Variants in STXBP4 observed in about 807,000 individuals in gnomAD.
STXBP4 encodes the protein syntaxin-binding protein 4.
A neutral mutation model predicts 76.1 loss-of-function variants in STXBP4; 55 were observed. The ratio of observed to expected loss-of-function variants is 0.72; its 90% confidence interval spans 0.58 to 0.91. The LOEUF (loss-of-function observed/expected upper bound fraction) is 0.91. STXBP4 is among the 40% of genes least tolerant of loss of function. STXBP4 has a pLI of 0.00. For missense variants in STXBP4, 618 were observed against 636.9 expected (o/e 0.97, Z 0.32); for synonymous variants, 201 against 220.2 (o/e 0.91, Z 0.77).
chr17:55,011,736 G>A (rs2078117975), intron 8 of STXBP4, among the ~76,000 whole-genome samples: 1 of 152,080 alleles, frequency 6.6e-6, no homozygotes, highest in Admixed American at 6.5e-5. Flanking sequence ...CGTCGGGTGT[G>A]AGATAAGTTG....
chr17:55,185,846 C>T, the STXBP4 span, among the ~76,000 whole-genome samples: 12,301 of 152,010 alleles, frequency 0.081, 1,050 homozygotes, highest in African/African-American at 0.21. Flanking sequence ...TGGAGAAAGA[C>T]GAAAAGGGTG....
chr17:55,171,593 T>G lies in STXBP4; in HGVS notation c.*11682T>G, dbSNP rs2080406675. On this transcript the variant is annotated 3_prime_UTR_variant, in exon 18 of 18. Coordinates refer to ENST00000376352, the MANE Select transcript of STXBP4 (RefSeq NM_178509.6). ...TTTGACCATACCCCATCATGGTATTTTAGAGTACACCTGAATAAGATACAT... is the reference window on the plus strand; with the variant it reads ...TTTGACCATACCCCATCATGGTATTGTAGAGTACACCTGAATAAGATACAT... 1 of 152,214 alleles carries G rather than the reference T, an allele frequency of 6.6e-6. No individual in the cohort carries two copies. Among genetic ancestry groups the G allele is most frequent in the Non-Finnish European group, 1.5e-5 (1 of 68,038 alleles). 9.4% of individuals were successfully genotyped at this position (152,214 alleles called of 1,614,324 possible).
chr17:55,140,213 A>G (rs1051287563), intron 16 of STXBP4, among the ~76,000 whole-genome samples: 2 of 151,994 alleles, frequency 1.3e-5, no homozygotes, highest in African/African-American at 4.8e-5. Context: ...GAGGCTGAGG[A>G]GGGAGAATCA....
rs189238944 is a variant in STXBP4 at position 55,054,990 on chromosome 17, T to C, written c.1011+7836T>C. On this transcript the variant is annotated intron_variant, in intron 12 of 17. Coordinates refer to ENST00000376352, the MANE Select transcript of STXBP4 (RefSeq NM_178509.6). The stretch of plus-strand genomic sequence containing the variant: ...TTGTGGTCAAAATAAACCTTTTCTA[T>C]GCTAACTTTAAGTTATTTGTTAATA... Among the ~76,000 whole-genome samples, 11 of 152,294 alleles carry C rather than the reference T, an allele frequency of 7.2e-5. No individual in the cohort carries two copies. The East Asian group carries it at 2.1e-3, about 29-fold the overall frequency.
intron 4 of STXBP4, among the ~76,000 whole-genome samples, chr17:54,994,762 C>T (rs781447933): frequency 3.3e-5 from 5 of 151,984 alleles, no homozygotes; most frequent in Non-Finnish European, 5.9e-5. Context: ...CATCACTATG[C>T]TTCCAGAGTA....
intron 16 of STXBP4, among the ~76,000 whole-genome samples, chr17:55,085,007 C>T (rs2079306404): frequency 6.6e-6 from 1 of 152,180 alleles, no homozygotes; most frequent in Non-Finnish European, 1.5e-5. Context: ...GGCACATACA[C>T]ACCATGGAAT....
chr17:55,030,473 G>A (rs577500869), intron 8 of STXBP4, among the ~76,000 whole-genome samples: 5 of 152,182 alleles, frequency 3.3e-5, no homozygotes, highest in African/African-American at 7.2e-5. Flanking sequence ...GCCGCATGGA[G>A]ATGTACAAGG....
chr17:54,982,476 C>CT (rs1278328564), intron 1 of STXBP4, among the ~76,000 whole-genome samples: 19 of 149,220 alleles, frequency 1.3e-4, no homozygotes, highest in African/African-American at 4.6e-4. Flanking sequence ...CTGTTTGCCT[C>CT]TTATGATTCA....
At chr17:55,049,816 TAG>T (rs2078835940) in intron 12 of STXBP4, among the ~76,000 whole-genome samples, 1 of 151,990 alleles carries the variant, frequency 6.6e-6, no homozygotes, top group Non-Finnish European at 1.5e-5. Context: ...GGAGTAAAGA[TAG>T]AAAGCCTAAA....
At chr17:55,000,972 A>G in intron 7 of STXBP4, 89 bp downstream of exon 7, 1 of 856,050 alleles carries the variant, frequency 1.2e-6, no homozygotes. Flanking sequence ...ACTTTGAAGA[A>G]GGGTGAATTA....
chr17:55,046,584 T>C (rs2078792684), intron 11 of STXBP4, among the ~76,000 whole-genome samples: 1 of 151,962 alleles, frequency 6.6e-6, no homozygotes, highest in Non-Finnish European at 1.5e-5. Context: ...TGTATAATAT[T>C]AATCTTAATA....
chr17:55,076,690 T>A (rs1202930175), intron 13 of STXBP4, among the ~76,000 whole-genome samples: 1 of 152,182 alleles, frequency 6.6e-6, no homozygotes, highest in Non-Finnish European at 1.5e-5. Flanking sequence ...GAGCAATGTC[T>A]TCTGCCATTT....
At chr17:55,070,994 T>A (rs1444035373) in intron 12 of STXBP4, among the ~76,000 whole-genome samples, 1 of 152,158 alleles carries the variant, frequency 6.6e-6, no homozygotes, top group East Asian at 1.9e-4. Context: ...ATTGATGAAC[T>A]ACTCTGTTGG....
intron 8 of STXBP4, among the ~76,000 whole-genome samples, chr17:55,026,314 A>T (rs1358974724): frequency 3.3e-5 from 5 of 152,226 alleles, no homozygotes; most frequent in Non-Finnish European, 5.9e-5. Context: ...AAATAGCTGA[A>T]ACAGTCATGA....
intron 10 of STXBP4, among the ~76,000 whole-genome samples, chr17:55,037,142 A>T (rs1228755415): frequency 6.6e-6 from 1 of 152,132 alleles, no homozygotes; most frequent in East Asian, 1.9e-4. Context: ...ATTTTGTCGC[A>T]TTTATTCAAA....
chr17:55,192,892 A>C, the STXBP4 span, among the ~76,000 whole-genome samples: 1 of 152,174 alleles, frequency 6.6e-6, no homozygotes, highest in Non-Finnish European at 1.5e-5. Flanking sequence ...TCTGATGAGG[A>C]AACTGACAGT....
At chr17:55,139,671 AGAG>A (rs2080073787) in intron 16 of STXBP4, among the ~76,000 whole-genome samples, 1 of 152,142 alleles carries the variant, frequency 6.6e-6, no homozygotes, top group Non-Finnish European at 1.5e-5. Context: ...AGTGAACACT[AGAG>A]GAGACATATA....
intron 16 of STXBP4, among the ~76,000 whole-genome samples, chr17:55,128,956 AGCCTCGCTTCCTTACCAG>A (rs1261165769): frequency 9.2e-6 from 1 of 108,834 alleles, no homozygotes; most frequent in East Asian, 2.7e-4. Context: ...TTTGAGACAG[AGCCTCGCTTCCTTACCAG>A]GCTGGAGTGC....
intron 8 of STXBP4, among the ~76,000 whole-genome samples, chr17:55,017,223 C>T (rs9896590): frequency 0.063 from 9,653 of 152,138 alleles, 947 homozygotes; most frequent in African/African-American, 0.22. Flanking sequence ...CTGTCTCTTT[C>T]GCCTCTCTGC....
Sources: allele counts gnomAD v4.1 joint callset (sites outside exome capture counted in the v4.1 genomes callset), GRCh38; gene constraint gnomAD v4.1.1; transcripts MANE v1.5; gene names NCBI Gene and HGNC (gene_info 2026-07-23, HGNC 2026-07-21).